CCDC170: variants seen among roughly 807,000 people sequenced by gnomAD.
CCDC170 encodes coiled-coil domain-containing protein 170.
A neutral mutation model predicts 72.6 loss-of-function variants in CCDC170; 69 were observed. The observed-to-expected ratio is 0.95, with a 90% CI of 0.78 to 1.16. The LOEUF (loss-of-function observed/expected upper bound fraction) is 1.16. Among genes scored for constraint, CCDC170 ranks in the 50% most tolerant of loss-of-function variants. CCDC170 has a pLI of 0.00. For synonymous variants in CCDC170, 300 were observed against 303.9 expected, an observed-to-expected ratio of 0.99 and a Z score of 0.13; for missense variants, 852 against 832.5, an observed-to-expected ratio of 1.02 and a Z score of -0.29.
intron 1 of CCDC170, among the ~76,000 whole-genome samples, chr6:151,520,317 CGGCAAAGATGTACAGACACAGGACCCTG>C (rs1276632108): frequency 5.9e-5 from 9 of 152,178 alleles, no homozygotes; most frequent in African/African-American, 2.2e-4. Context: ...GAACTGTGAT[CGGCAAAGATGTACAGACACAGGACCCTG>C]GGCAGACAAA....
At chr6:151,597,125 C>G (rs1776638696) in intron 9 of CCDC170, among the ~76,000 whole-genome samples, 1 of 151,644 alleles carries the variant, frequency 6.6e-6, no homozygotes, top group African/African-American at 2.4e-5. Flanking sequence ...TGCGCCTGGC[C>G]TTATAAAAAA....
chr6:151,615,576 C>A lies in CCDC170; in HGVS notation c.1844C>A (p.Ala615Asp), dbSNP rs73780818. The A allele has an allele frequency of 2.9e-3, 4,717 of 1,613,666 alleles. 103 individuals carry two copies. The African/African-American group carries it at 0.055, about 19-fold the overall frequency. ...GAACTGGATACCACAGAACATGAGG[C>A]TAAGGAGAATAAAGAAAGGGCCAGA... ...KSELDTTEHE[A>D]KENKERARNM... The change falls in exon 10 of 11, where the codon GCT becomes GAT. Residue 615 changes from alanine (A) to aspartate (D), a missense_variant. By Grantham distance (126) the Ala-to-Asp change is moderately radical (BLOSUM62 -2). Transcript: ENST00000239374.
At chr6:151,549,257 G>A (rs1210142825) in intron 5 of CCDC170, among the ~76,000 whole-genome samples, 3 of 151,792 alleles carry the variant, frequency 2.0e-5, no homozygotes, top group African/African-American at 4.8e-5. Context: ...GGCTGGTCTC[G>A]ACTCCTGGCC....
chr6:151,563,810 T>C (rs1015497083), intron 5 of CCDC170, among the ~76,000 whole-genome samples: 1 of 152,116 alleles, frequency 6.6e-6, no homozygotes, highest in African/African-American at 2.4e-5. Context: ...GCAGAGAAGC[T>C]CTCCCACCTA....
At chr6:151,499,903 A>C (rs1781969911) in intron 1 of CCDC170, among the ~76,000 whole-genome samples, 1 of 152,240 alleles carries the variant, frequency 6.6e-6, no homozygotes, top group Non-Finnish European at 1.5e-5. Context: ...TGCTGCTATG[A>C]AAATGAGTGA....
rs374879873 is a variant in CCDC170 at position 151,563,489 on chromosome 6, C to T, written c.775-9685C>T. On this transcript the variant is annotated intron_variant, in intron 5 of 10. Coordinates refer to ENST00000239374, the MANE Select transcript of CCDC170 (RefSeq NM_025059.4). ...GGATGCAGCTGCTCCTTGGGGCCTACGAGTCCCCTGCACCTGCCAAAGTCA... is the reference window on the plus strand; with the variant it reads ...GGATGCAGCTGCTCCTTGGGGCCTATGAGTCCCCTGCACCTGCCAAAGTCA... 1.4e-4 allele frequency among the ~76,000 whole-genome samples: 22 copies of T among 152,292 alleles called. No homozygotes were observed. In the East Asian group the frequency reaches 2.1e-3, roughly 15 times the overall value.
At chr6:151,569,616 A>G (rs553333431) in intron 5 of CCDC170, among the ~76,000 whole-genome samples, 22 of 152,356 alleles carry the variant, frequency 1.4e-4, no homozygotes, top group African/African-American at 4.8e-4. Context: ...GGTCCTGGCC[A>G]GTGGTACTGA....
intron 9 of CCDC170, among the ~76,000 whole-genome samples, chr6:151,614,627 G>A (rs200640512): frequency 8.1e-6 from 1 of 123,056 alleles, no homozygotes; most frequent in African/African-American, 3.3e-5. Flanking sequence ...GCTAACTTTT[G>A]TATTTTTTTT....
At chr6:151,537,235 T>G (rs1782603232) in intron 2 of CCDC170, among the ~76,000 whole-genome samples, 1 of 152,186 alleles carries the variant, frequency 6.6e-6, no homozygotes, top group Non-Finnish European at 1.5e-5. Flanking sequence ...AGAGTCTTCC[T>G]AAACTCATTC....
At chr6:151,543,879 T>A (rs1782732937) in intron 3 of CCDC170, among the ~76,000 whole-genome samples, 1 of 152,322 alleles carries the variant, frequency 6.6e-6, no homozygotes, top group Non-Finnish European at 1.5e-5. Context: ...TGATGGGCAC[T>A]TATGTTGATT....
chr6:151,612,485 TCTCATTACATTGCTGCACAACACCA>T (rs1776889459), intron 9 of CCDC170, among the ~76,000 whole-genome samples: 2 of 152,194 alleles, frequency 1.3e-5, no homozygotes, highest in African/African-American at 2.4e-5. Context: ...CCCCTTTCTC[TCTCATTACATTGCTGCACAACACCA>T]ATGCCTTCTC....
chr6:151,602,449 T>C (rs958242025), intron 9 of CCDC170, among the ~76,000 whole-genome samples: 2 of 152,192 alleles, frequency 1.3e-5, no homozygotes, highest in African/African-American at 2.4e-5. Flanking sequence ...TAATTCAATG[T>C]GATAGATTAT....
At chr6:151,616,560 A>G (rs1776971709) in intron 10 of CCDC170, among the ~76,000 whole-genome samples, 2 of 152,042 alleles carry the variant, frequency 1.3e-5, no homozygotes, top group African/African-American at 4.8e-5. Flanking sequence ...CAGAAAGGAA[A>G]CTTCTTCGGA....
intron 1 of CCDC170, among the ~76,000 whole-genome samples, chr6:151,504,688 G>A (rs573673706): frequency 1.3e-5 from 2 of 152,018 alleles, no homozygotes; most frequent in African/African-American, 4.8e-5. Flanking sequence ...ATGGTCAGGG[G>A]GTAATGCTGA....
intron 1 of CCDC170, among the ~76,000 whole-genome samples, chr6:151,516,250 C>G (rs879536205): frequency 5.3e-5 from 8 of 152,074 alleles, no homozygotes; most frequent in Non-Finnish European, 1.0e-4. Flanking sequence ...TCAGTTGTGT[C>G]TGAATTCCAA....
At chr6:151,607,284 G>T (rs1338342808) in intron 9 of CCDC170, among the ~76,000 whole-genome samples, 1 of 152,042 alleles carries the variant, frequency 6.6e-6, no homozygotes, top group Non-Finnish European at 1.5e-5. Context: ...TACATTCAAG[G>T]TTGTTATTCA....
intron 5 of CCDC170, among the ~76,000 whole-genome samples, chr6:151,559,873 T>C (rs749332211): frequency 4.3e-4 from 65 of 152,106 alleles, no homozygotes; most frequent in Non-Finnish European, 7.6e-4. Flanking sequence ...GTCTGTCAAT[T>C]TGGTTTATCC....
intron 1 of CCDC170, among the ~76,000 whole-genome samples, chr6:151,500,166 C>A (rs1223388900): frequency 6.7e-6 from 1 of 149,684 alleles, no homozygotes; most frequent in East Asian, 1.9e-4. Context: ...GAGGTAGTAT[C>A]TATTTCCACT....
chr6:151,592,573 A>T (rs1322363296), intron 7 of CCDC170, among the ~76,000 whole-genome samples: 1 of 152,114 alleles, frequency 6.6e-6, no homozygotes, highest in Non-Finnish European at 1.5e-5. Context: ...AAACCATCAG[A>T]CGTCGTGAGA....
Sources: gnomAD v4.1 joint callset for allele counts (sites outside exome capture counted in the v4.1 genomes callset) on GRCh38, gnomAD v4.1.1 for gene constraint, MANE v1.5 for transcripts, NCBI Gene and HGNC (gene_info 2026-07-23, HGNC 2026-07-21) for gene names.